The following SPMIP7 variants were observed in gnomAD, a reference collection of about 807,000 sequenced individuals.
SPMIP7 encodes sperm microtubule inner protein 7.
chr7:50,123,269 G>C, the SPMIP7 span, among the ~76,000 whole-genome samples: 4 of 129,390 alleles, frequency 3.1e-5, no homozygotes, highest in South Asian at 7.8e-4. Flanking sequence ...CCTTTGTAGG[G>C]ACATGGATGA....
chr7:50,124,791 T>C, the SPMIP7 span, among the ~76,000 whole-genome samples: 3 of 152,014 alleles, frequency 2.0e-5, no homozygotes, highest in African/African-American at 7.2e-5. Context: ...AAATTAATGA[T>C]AATGTTTCAA....
the SPMIP7 span, among the ~76,000 whole-genome samples, chr7:50,140,778 G>T: frequency 6.6e-6 from 1 of 152,202 alleles, no homozygotes; most frequent in Non-Finnish European, 1.5e-5. Flanking sequence ...GTTGACTAGT[G>T]TTTCTACCAG....
At chr7:50,119,178 C>T in the SPMIP7 span, among the ~76,000 whole-genome samples, 4 of 152,110 alleles carry the variant, frequency 2.6e-5, no homozygotes, top group Non-Finnish European at 2.9e-5. Context: ...TTGCCACCCA[C>T]GCTGCAGTAA....
chr7:50,135,842 T>C, the SPMIP7 span, among the ~76,000 whole-genome samples: 2 of 152,094 alleles, frequency 1.3e-5, no homozygotes, highest in African/African-American at 2.4e-5. Flanking sequence ...TGGGTTTCGG[T>C]ATGAAACAGG....
At chr7:50,102,577 A>G in the SPMIP7 span, among the ~76,000 whole-genome samples, 1 of 152,112 alleles carries the variant, frequency 6.6e-6, no homozygotes, top group Non-Finnish European at 1.5e-5. Flanking sequence ...TCTGTTCTCT[A>G]ACTGGCCCTT....
At chr7:50,097,683 T>TAAAAAAAA in the SPMIP7 span, among the ~76,000 whole-genome samples, 1 of 142,214 alleles carries the variant, frequency 7.0e-6, no homozygotes. Context: ...CATTTTATGT[T>TAAAAAAAA]AAAAAAAAAA....
At chr7:50,136,061 C>T in the SPMIP7 span, 10 of 1,443,478 alleles carry the variant, frequency 6.9e-6, no homozygotes, top group Admixed American at 2.0e-5. Flanking sequence ...TTATAACGTG[C>T]TCATTAACTG....
the SPMIP7 span, among the ~76,000 whole-genome samples, chr7:50,097,837 C>T: frequency 1.3e-5 from 2 of 152,144 alleles, no homozygotes; most frequent in Non-Finnish European, 2.9e-5. Flanking sequence ...AATAATCTTA[C>T]TTCTTTTATA....
the SPMIP7 span, among the ~76,000 whole-genome samples, chr7:50,135,816 A>C: frequency 6.6e-6 from 1 of 152,180 alleles, no homozygotes; most frequent in Non-Finnish European, 1.5e-5. Context: ...TGAAAACTAA[A>C]ATCAGACTTT....
chr7:50,124,957 T>G, the SPMIP7 span, among the ~76,000 whole-genome samples: 1 of 151,148 alleles, frequency 6.6e-6, no homozygotes, highest in African/African-American at 2.4e-5. Flanking sequence ...AAATTAGCCC[T>G]GCATGGTGGC....
the SPMIP7 span, among the ~76,000 whole-genome samples, chr7:50,122,861 A>T: frequency 2.6e-5 from 4 of 152,238 alleles, no homozygotes; most frequent in African/African-American, 9.6e-5. Flanking sequence ...TCAAAACCAC[A>T]ATGAGATACC....
the SPMIP7 span, among the ~76,000 whole-genome samples, chr7:50,107,338 G>A: frequency 1.4e-3 from 147 of 105,080 alleles, no homozygotes; most frequent in Non-Finnish European, 1.8e-3. Context: ...GCTCCAATCT[G>A]GATGACAGAA....
the SPMIP7 span, chr7:50,136,310 C>T: frequency 8.0e-6 from 5 of 628,014 alleles, no homozygotes; most frequent in Non-Finnish European, 2.9e-6. Context: ...CTCCCTGACT[C>T]ACATCCTTAG....
chr7:50,128,109 T>A, the SPMIP7 span, among the ~76,000 whole-genome samples: 1 of 121,438 alleles, frequency 8.2e-6, no homozygotes, highest in African/African-American at 2.5e-5. Flanking sequence ...GTGGTATATA[T>A]ACACAATGGA....
At chr7:50,141,293 G>T in the SPMIP7 span, 4 of 1,550,278 alleles carry the variant, frequency 2.6e-6, no homozygotes, top group Admixed American at 7.8e-5. Flanking sequence ...GTCATGTGCA[G>T]TCTACAAATG....
At chr7:50,147,053 C>T in the SPMIP7 span, among the ~76,000 whole-genome samples, 1 of 152,238 alleles carries the variant, frequency 6.6e-6, no homozygotes, top group Non-Finnish European at 1.5e-5. Context: ...CACCCCCCTC[C>T]CTTATGTCGC....
At chr7:50,120,716 T>C in the SPMIP7 span, among the ~76,000 whole-genome samples, 1 of 152,214 alleles carries the variant, frequency 6.6e-6, no homozygotes, top group Non-Finnish European at 1.5e-5. Flanking sequence ...CTGGCTAGTC[T>C]AAGATTTTTC....
At chr7:50,140,256 T>A in the SPMIP7 span, 2 of 803,232 alleles carry the variant, frequency 2.5e-6, no homozygotes, top group Non-Finnish European at 3.8e-6. Context: ...AGCTCACGCA[T>A]GTTGTATTCA....
At chr7:50,135,395 T>C in the SPMIP7 span, among the ~76,000 whole-genome samples, 1 of 152,176 alleles carries the variant, frequency 6.6e-6, no homozygotes, top group African/African-American at 2.4e-5. Context: ...GCTCTTAATA[T>C]AGATCCCAAG....
Sources: allele counts gnomAD v4.1 joint callset (sites outside exome capture counted in the v4.1 genomes callset), GRCh38; gene constraint gnomAD v4.1.1; transcripts MANE v1.5; gene names NCBI Gene and HGNC (gene_info 2026-07-23, HGNC 2026-07-21).